FARP1: variants seen among roughly 807,000 people sequenced by gnomAD.
FARP1 encodes FERM, ARH/RhoGEF and pleckstrin domain protein 1.
In FARP1, 52 loss-of-function variants were observed where a neutral mutation model predicts 128.8. That is an observed-to-expected ratio of 0.40 (90% CI 0.32 to 0.51). The LOEUF is 0.51. FARP1 is among the 20% of genes least tolerant of loss of function. The probability of loss-of-function intolerance (pLI) is 0.45; values close to 1 mark genes in which losing one functional copy is unlikely to be tolerated. For missense variants in FARP1, 1,333 were observed against 1,367.9 expected (o/e 0.97, Z 0.40); for synonymous variants, 580 against 551.8 (o/e 1.05, Z -0.72).
At chr13:98,381,229 G>C (rs1566937085) in intron 6 of FARP1, among the ~76,000 whole-genome samples, 1 of 152,338 alleles carries the variant, frequency 6.6e-6, no homozygotes, top group Admixed American at 6.5e-5. Context: ...GTCATGAAAG[G>C]AGGCATTTCA....
intron 2 of FARP1, among the ~76,000 whole-genome samples, chr13:98,305,458 C>T (rs917502953): frequency 1.3e-4 from 20 of 152,202 alleles, no homozygotes; most frequent in Middle Eastern, 3.4e-3. Context: ...CTCAGCCTCC[C>T]GAATAGCTGG....
chr13:98,406,813 G>A (rs1053315854), intron 13 of FARP1: 14 of 152,384 alleles, frequency 9.2e-5, no homozygotes, highest in Middle Eastern at 3.1e-3. Flanking sequence ...ACCATAGTCT[G>A]TTACCTCATT....
chr13:98,224,530 AAAAAAAAAAAAAAAAG>A (rs1469512273), intron 2 of FARP1, among the ~76,000 whole-genome samples: 1 of 45,674 alleles, frequency 2.2e-5, no homozygotes, highest in Non-Finnish European at 6.2e-5. Context: ...CTGTCTCAAA[AAAAAAAAAAAAAAAAG>A]AAAAAAAAAA....
chr13:98,219,505 T>C (rs1881289527), intron 2 of FARP1, among the ~76,000 whole-genome samples: 1 of 151,976 alleles, frequency 6.6e-6, no homozygotes, highest in Non-Finnish European at 1.5e-5. Context: ...CGGGCTAATT[T>C]ATTTTTATTT....
intron 1 of FARP1, among the ~76,000 whole-genome samples, chr13:98,196,131 T>G (rs1879556128): frequency 6.6e-6 from 1 of 152,232 alleles, no homozygotes. Context: ...CTTAGTGATT[T>G]GCCCAGCAGC....
Position 98,395,398 on chromosome 13 carries a change from G to GCGCCCA in FARP1, c.1339_1344dup (p.Pro447_Thr448dup), listed in dbSNP as rs1566288666. The GCGCCCA allele has an allele frequency of 3.7e-6, 6 of 1,611,600 alleles. No homozygotes were observed. Among genetic ancestry groups the GCGCCCA allele is most frequent in the Non-Finnish European group, 5.1e-6 (6 of 1,178,934 alleles). On this transcript the variant is annotated inframe_insertion, in exon 13 of 27. Coordinates refer to ENST00000319562, the MANE Select transcript of FARP1 (RefSeq NM_005766.4). Reference sequence around the variant, plus strand: ...CAAGCAGGCGGACGGAGCCGCCTCGGCGCCCACGGAGGAAGAGGAGGAGGT... The same window carrying GCGCCCA: ...CAAGCAGGCGGACGGAGCCGCCTCGGCGCCCACGCCCACGGAGGAAGAGGAGGAGGT...
chr13:98,265,157 G>C (rs1394145615), intron 2 of FARP1, among the ~76,000 whole-genome samples: 2 of 152,164 alleles, frequency 1.3e-5, no homozygotes, highest in African/African-American at 4.8e-5. Context: ...CAAAGCATGT[G>C]AAGGTGGTAT....
chr13:98,321,536 C>T (rs533093418), intron 2 of FARP1, among the ~76,000 whole-genome samples: 53 of 152,218 alleles, frequency 3.5e-4, no homozygotes, highest in African/African-American at 1.2e-3. Context: ...GATTTATGGC[C>T]AAAGTAGCAA....
At chr13:98,425,147 A>G (rs7989429) in intron 17 of FARP1, among the ~76,000 whole-genome samples, 43 of 152,096 alleles carry the variant, frequency 2.8e-4, no homozygotes, top group African/African-American at 9.9e-4. Flanking sequence ...TTTTGTTTCA[A>G]AAGTTTTGCA....
chr13:98,423,160 G>A (rs1221420549), intron 16 of FARP1, among the ~76,000 whole-genome samples: 1 of 152,160 alleles, frequency 6.6e-6, no homozygotes, highest in African/African-American at 2.4e-5. Context: ...CAGCCGATTA[G>A]GTTGTGCCCA....
At chr13:98,164,508 T>G (rs772346526) in intron 1 of FARP1, among the ~76,000 whole-genome samples, 1 of 152,268 alleles carries the variant, frequency 6.6e-6, no homozygotes, top group Non-Finnish European at 1.5e-5. Context: ...TCTTTTGATT[T>G]GTATTTGATT....
chr13:98,416,586 A>G (rs1404139186), intron 16 of FARP1, among the ~76,000 whole-genome samples: 1 of 152,216 alleles, frequency 6.6e-6, no homozygotes, highest in Non-Finnish European at 1.5e-5. Context: ...TGGTTTGGTG[A>G]GTTCTAATAA....
At chr13:98,325,170 T>C (rs1887176781) in intron 2 of FARP1, among the ~76,000 whole-genome samples, 2 of 152,246 alleles carry the variant, frequency 1.3e-5, no homozygotes, top group African/African-American at 4.8e-5. Flanking sequence ...TTTATGCATT[T>C]GATGTTGGAA....
intron 13 of FARP1, 86 bp from the exon 14 acceptor site, chr13:98,409,252 T>C (rs2140113056): frequency 9.1e-6 from 10 of 1,093,062 alleles, no homozygotes; most frequent in Non-Finnish European, 1.2e-5. Flanking sequence ...ATCTTACGAT[T>C]TGAAAAAGGT....
chr13:98,200,613 GAGCTGTCTCTAGCACTT>G (rs1879878969), intron 1 of FARP1, among the ~76,000 whole-genome samples: 1 of 152,140 alleles, frequency 6.6e-6, no homozygotes, highest in South Asian at 2.1e-4. Flanking sequence ...GTTGAGACTA[GAGCTGTCTCTAGCACTT>G]ACGCAAGAAA....
At chr13:98,382,467 G>C (rs1475282681) in intron 6 of FARP1, 1 of 152,174 alleles carries the variant, frequency 6.6e-6, no homozygotes, top group Non-Finnish European at 1.5e-5. Flanking sequence ...CTCTTTATAT[G>C]GAATGATGGG....
chr13:98,387,818 G>C (rs974847965), intron 8 of FARP1, among the ~76,000 whole-genome samples: 1 of 152,236 alleles, frequency 6.6e-6, no homozygotes, highest in African/African-American at 2.4e-5. Context: ...GACCAGCGTG[G>C]ATGAAGCAGG....
chr13:98,357,251 T>A (rs754781052), intron 3 of FARP1, among the ~76,000 whole-genome samples: 3 of 152,232 alleles, frequency 2.0e-5, no homozygotes, highest in Non-Finnish European at 4.4e-5. Context: ...TCTTTTTGTC[T>A]AGCCATCATC....
At chr13:98,164,004 C>G (rs1448743603) in intron 1 of FARP1, among the ~76,000 whole-genome samples, 1 of 152,198 alleles carries the variant, frequency 6.6e-6, no homozygotes, top group East Asian at 1.9e-4. Context: ...CCACTGCACC[C>G]GGCCAGCATG....
Sources: allele counts gnomAD v4.1 joint callset (sites outside exome capture counted in the v4.1 genomes callset), GRCh38; gene constraint gnomAD v4.1.1; transcripts MANE v1.5; gene names NCBI Gene and HGNC (gene_info 2026-07-23, HGNC 2026-07-21).